SIPA1L3: variants seen among roughly 807,000 people sequenced by gnomAD.
SIPA1L3 encodes signal-induced proliferation-associated 1-like protein 3.
SIPA1L3 carries 59 observed loss-of-function variants against 150.1 expected under a neutral mutation model. The observed-to-expected ratio is 0.39, with a 90% CI of 0.32 to 0.49. The LOEUF is 0.49. Among genes scored for constraint, SIPA1L3 ranks in the 20% least tolerant of loss-of-function variants. The pLI, the probability that SIPA1L3 is intolerant of heterozygous loss-of-function variation, is 0.86. For missense variants in SIPA1L3, 2,211 were observed against 2,489.5 expected (o/e 0.89, Z 2.38); for synonymous variants, 1,070 against 1,077.6 (o/e 0.99, Z 0.14).
intron 1 of SIPA1L3, among the ~76,000 whole-genome samples, chr19:37,972,705 A>C (rs1966974112): frequency 6.6e-6 from 1 of 152,196 alleles, no homozygotes. Context: ...CCCTGCCTCA[A>C]CAAAATAAAC....
At chr19:37,940,457 A>C (rs2046644111) in intron 1 of SIPA1L3, among the ~76,000 whole-genome samples, 1 of 152,214 alleles carries the variant, frequency 6.6e-6, no homozygotes, top group African/African-American at 2.4e-5. Flanking sequence ...TGAGAAGACC[A>C]TTTTAATCAT....
intron 2 of SIPA1L3, among the ~76,000 whole-genome samples, chr19:38,050,519 A>G (rs1480913633): frequency 6.6e-6 from 1 of 152,220 alleles, no homozygotes; most frequent in African/African-American, 2.4e-5. Flanking sequence ...ATTAGCAATT[A>G]TTATCACTAT....
chr19:38,183,326 T>A (rs1363611603), intron 16 of SIPA1L3, among the ~76,000 whole-genome samples: 1 of 143,060 alleles, frequency 7.0e-6, no homozygotes. Flanking sequence ...GCTGCTGTCA[T>A]GGTCCAGGCG....
At chr19:38,174,981 A>G (rs1414989081) in intron 15 of SIPA1L3, among the ~76,000 whole-genome samples, 1 of 152,072 alleles carries the variant, frequency 6.6e-6, no homozygotes, top group Non-Finnish European at 1.5e-5. Flanking sequence ...ATGTATTGAT[A>G]TTTATCGTTA....
In SIPA1L3 at chr19:38,085,766, G is replaced by A. The variant is rs184837593; in HGVS notation, c.1534+2667G>A. 4.3e-3 allele frequency among the ~76,000 whole-genome samples: 655 copies of A among 152,322 alleles called. 1 individual carries two copies. The highest frequency in any genetic ancestry group is 0.015 in the African/African-American group (625 of 41,572). ...CCCCGCACTTTGGGAGGCCCGAGGCGGGCAGATCACGTGGGGTCAGGAGTT... is the reference window on the plus strand; with the variant it reads ...CCCCGCACTTTGGGAGGCCCGAGGCAGGCAGATCACGTGGGGTCAGGAGTT... On this transcript the variant is annotated intron_variant, in intron 3 of 21. Transcript: ENST00000222345.
intron 21 of SIPA1L3, 132 bp from the exon 22 acceptor site, chr19:38,205,965 C>G: frequency 9.3e-7 from 1 of 1,073,788 alleles, no homozygotes; most frequent in Non-Finnish European, 1.3e-6. Flanking sequence ...GATGTGTGCC[C>G]CGGCCTGGCC....
chr19:38,192,135 G>C lies in SIPA1L3; in HGVS notation c.4431-10G>C. ...CTGACACCCCTCTGACCCTGACGCT[G>C]TCATTCCAGGCAGGTGGACACGAAC... On this transcript the variant is annotated splice_polypyrimidine_tract_variant and intron_variant, in intron 16 of 21. Coordinates refer to ENST00000222345, the MANE Select transcript of SIPA1L3 (RefSeq NM_015073.3). 1 of 1,594,040 alleles carries C rather than the reference G, an allele frequency of 6.3e-7. No homozygotes were observed. Among genetic ancestry groups the C allele is most frequent in the Non-Finnish European group, 8.5e-7 (1 of 1,171,110 alleles).
At chr19:37,965,838 T>TG (rs2046899631) in intron 1 of SIPA1L3, among the ~76,000 whole-genome samples, 1 of 151,822 alleles carries the variant, frequency 6.6e-6, no homozygotes, top group Non-Finnish European at 1.5e-5. Flanking sequence ...AACACGCCCC[T>TG]GTCTCTCCAG....
intron 2 of SIPA1L3, among the ~76,000 whole-genome samples, chr19:38,063,578 A>G (rs1969502622): frequency 6.6e-6 from 1 of 152,268 alleles, no homozygotes. Flanking sequence ...AGCTGGGATC[A>G]GTTTGCAGGT....
At chr19:38,144,153 C>T (rs142709339) in intron 12 of SIPA1L3, among the ~76,000 whole-genome samples, 8 of 152,362 alleles carry the variant, frequency 5.3e-5, no homozygotes, top group African/African-American at 1.9e-4. Context: ...TGAGGCAAGG[C>T]ACTGCCCCCC....
chr19:38,183,704 A>G (rs1972612518), intron 16 of SIPA1L3, among the ~76,000 whole-genome samples: 1 of 152,148 alleles, frequency 6.6e-6, no homozygotes, highest in Non-Finnish European at 1.5e-5. Flanking sequence ...AAGAGCCCCT[A>G]AGGCAGGGTG....
chr19:38,114,833 G>A (rs1424041239), intron 8 of SIPA1L3, among the ~76,000 whole-genome samples: 8 of 152,238 alleles, frequency 5.3e-5, no homozygotes, highest in Non-Finnish European at 1.2e-4. Context: ...GAGAGCGAGG[G>A]GGATCTGGCC....
At chr19:37,966,108 G>T (rs536850215) in intron 1 of SIPA1L3, among the ~76,000 whole-genome samples, 1 of 152,146 alleles carries the variant, frequency 6.6e-6, no homozygotes, top group Admixed American at 6.5e-5. Flanking sequence ...GTGATCCACC[G>T]CTGTTTTTTT....
intron 1 of SIPA1L3, among the ~76,000 whole-genome samples, chr19:37,931,929 G>T (rs1363748071): frequency 6.6e-6 from 1 of 152,158 alleles, no homozygotes; most frequent in Non-Finnish European, 1.5e-5. Context: ...TCCTTAGAGG[G>T]TCGCTGTGAG....
chr19:37,949,082 T>C (rs1476486451), intron 1 of SIPA1L3, among the ~76,000 whole-genome samples: 1 of 152,150 alleles, frequency 6.6e-6, no homozygotes, highest in Admixed American at 6.5e-5. Flanking sequence ...CCTCAAAGAA[T>C]TGTGAGATGC....
intron 2 of SIPA1L3, among the ~76,000 whole-genome samples, chr19:38,059,846 C>G (rs545724842): frequency 2.0e-5 from 3 of 151,916 alleles, no homozygotes; most frequent in Non-Finnish European, 4.4e-5. Flanking sequence ...GTGCAATCTC[C>G]GGTCACTGCA....
intron 1 of SIPA1L3, among the ~76,000 whole-genome samples, chr19:38,001,829 CAA>C (rs905577493): frequency 4.8e-4 from 73 of 152,070 alleles, no homozygotes; most frequent in African/African-American, 1.8e-3. Context: ...ATATACATAA[CAA>C]ATTTTTTTTA....
At chr19:37,981,542 C>G (rs1282415743) in intron 1 of SIPA1L3, among the ~76,000 whole-genome samples, 1 of 152,092 alleles carries the variant, frequency 6.6e-6, no homozygotes, top group Non-Finnish European at 1.5e-5. Flanking sequence ...TTGTCACTTG[C>G]AAATGAAAGT....
chr19:37,970,907 G>A (rs774758338), intron 1 of SIPA1L3, among the ~76,000 whole-genome samples: 101 of 152,312 alleles, frequency 6.6e-4, no homozygotes, highest in Middle Eastern at 3.4e-3. Flanking sequence ...GGCCCCTGCC[G>A]TCTTGTTGCT....
Sources: allele counts gnomAD v4.1 joint callset (sites outside exome capture counted in the v4.1 genomes callset), GRCh38; gene constraint gnomAD v4.1.1; transcripts MANE v1.5; gene names NCBI Gene and HGNC (gene_info 2026-07-23, HGNC 2026-07-21).